Variants in TMEM132D observed in about 807,000 individuals in gnomAD.
The protein encoded by TMEM132D is mature OL transmembrane protein.
In TMEM132D, 21 loss-of-function variants were observed where a neutral mutation model predicts 62.3. The ratio of observed to expected loss-of-function variants is 0.34; its 90% CI spans 0.24 to 0.49. The LOEUF (loss-of-function observed/expected upper bound fraction) is 0.49, where lower values mean the gene tolerates loss of function less well. Among genes scored for constraint, TMEM132D ranks in the 20% least tolerant of loss-of-function variants. TMEM132D has a pLI of 0.99. For missense variants in TMEM132D, 1,346 were observed against 1,402.8 expected, an observed-to-expected ratio of 0.96 and a Z score of 0.65; for synonymous variants, 621 against 575.6, an observed-to-expected ratio of 1.08 and a Z score of -1.13.
chr12:129,855,044 A>AT (rs1186326756), intron 1 of TMEM132D: 2 of 152,816 alleles, frequency 1.3e-5, no homozygotes, highest in African/African-American at 4.8e-5. Flanking sequence ...GGAGAGCCCT[A>AT]TGCAAGACAA....
At chr12:129,777,964 C>T (rs923663912) in intron 1 of TMEM132D, among the ~76,000 whole-genome samples, 1 of 151,354 alleles carries the variant, frequency 6.6e-6, no homozygotes, top group East Asian at 2.0e-4. Context: ...CACATCTCTA[C>T]AAAAAATAAA....
intron 1 of TMEM132D, among the ~76,000 whole-genome samples, chr12:129,787,393 C>T (rs966242159): frequency 1.3e-5 from 2 of 152,156 alleles, no homozygotes; most frequent in African/African-American, 4.8e-5. Context: ...GCTCAGCAGA[C>T]AAGCTTTGTG....
At chr12:129,871,923 C>T (rs1361927498) in intron 1 of TMEM132D, among the ~76,000 whole-genome samples, 1 of 152,186 alleles carries the variant, frequency 6.6e-6, no homozygotes, top group Non-Finnish European at 1.5e-5. Context: ...GCCAGGCCTA[C>T]AGGAACGGAA....
intron 5 of TMEM132D, among the ~76,000 whole-genome samples, chr12:129,127,745 G>T (rs1459549259): frequency 6.6e-6 from 1 of 151,998 alleles, no homozygotes; most frequent in Non-Finnish European, 1.5e-5. Context: ...GTTTCCAAAT[G>T]TGAGATGCCT....
intron 2 of TMEM132D, among the ~76,000 whole-genome samples, chr12:129,610,272 T>C (rs1006145910): frequency 8.2e-6 from 1 of 121,632 alleles, no homozygotes; most frequent in African/African-American, 2.9e-5. Context: ...AGCAAGGCTC[T>C]GTCTCAAAAA....
chr12:129,718,514 C>T lies in TMEM132D; in HGVS notation c.80-17816G>A, dbSNP rs117270047. ...TTATTCTTTCTGATGTAGCTTCACA[C>T]GTTTATATTTTGGTCTTTTTGGAAA... is the stretch of plus-strand genomic sequence containing the variant. On this transcript the variant is annotated intron_variant, in intron 1 of 8. Transcript: ENST00000422113. Among the ~76,000 whole-genome samples the T allele has an allele frequency of 4.6e-5, 7 of 152,274 alleles. No homozygotes were observed. In the East Asian group the frequency reaches 1.4e-3, roughly 29 times the overall value.
chr12:129,780,578 C>T (rs1422951217), intron 1 of TMEM132D, among the ~76,000 whole-genome samples: 2 of 152,068 alleles, frequency 1.3e-5, no homozygotes, highest in Non-Finnish European at 2.9e-5. Context: ...GGCTGCTTCC[C>T]CAAACTTTGC....
chr12:129,707,537 T>C (rs1266448152), intron 1 of TMEM132D, among the ~76,000 whole-genome samples: 1 of 152,190 alleles, frequency 6.6e-6, no homozygotes, highest in Non-Finnish European at 1.5e-5. Context: ...GAATATCTTA[T>C]TTTTGTCTGC....
chr12:129,626,222 A>G (rs1879209478), intron 2 of TMEM132D, among the ~76,000 whole-genome samples: 1 of 152,216 alleles, frequency 6.6e-6, no homozygotes, highest in Non-Finnish European at 1.5e-5. Flanking sequence ...GGAGGAAGAT[A>G]AGGAATGCAC....
At chr12:129,307,848 A>C (rs904666099) in intron 4 of TMEM132D, among the ~76,000 whole-genome samples, 1 of 152,166 alleles carries the variant, frequency 6.6e-6, no homozygotes, top group African/African-American at 2.4e-5. Flanking sequence ...CTCTGCTCAC[A>C]AATGATTTTT....
intron 1 of TMEM132D, among the ~76,000 whole-genome samples, chr12:129,769,072 C>A (rs1870645467): frequency 6.6e-6 from 1 of 152,150 alleles, no homozygotes. Context: ...TGCTTACAGA[C>A]TCACAGTTTG....
chr12:129,747,311 T>A (rs904671340), intron 1 of TMEM132D, among the ~76,000 whole-genome samples: 2 of 142,064 alleles, frequency 1.4e-5, no homozygotes, highest in Non-Finnish European at 3.1e-5. Context: ...TTCTTTGATG[T>A]CCACATAGCT....
intron 2 of TMEM132D, among the ~76,000 whole-genome samples, chr12:129,647,466 C>A (rs1307111125): frequency 1.3e-5 from 2 of 152,122 alleles, no homozygotes; most frequent in African/African-American, 2.4e-5. Flanking sequence ...GGGTGTGTGT[C>A]TAGCAGAACT....
At chr12:129,597,135 A>T (rs189624244) in intron 2 of TMEM132D, among the ~76,000 whole-genome samples, 2 of 152,284 alleles carry the variant, frequency 1.3e-5, no homozygotes, top group Non-Finnish European at 2.9e-5. Context: ...GAACATGTTC[A>T]GTACAGACTT....
intron 3 of TMEM132D, among the ~76,000 whole-genome samples, chr12:129,470,171 G>A (rs913978896): frequency 2.6e-5 from 4 of 152,192 alleles, no homozygotes; most frequent in Non-Finnish European, 5.9e-5. Context: ...AATTTGTGGT[G>A]TGGACTATAA....
At position 129,073,908 on chromosome 12, in the gene TMEM132D, G is replaced by T; in HGVS notation, c.3267C>A (p.His1089Gln). 2 of 1,566,682 alleles carry T rather than the reference G, an allele frequency of 1.3e-6. No homozygotes were observed. The highest frequency in any genetic ancestry group is 1.7e-6 in the Non-Finnish European group (2 of 1,158,116). ...TTTCATGTAACCTCTCCATGTAGTT[G>T]TGCAGCTCTTTGCAGTCCCCAGGGT... is the stretch of plus-strand genomic sequence containing the variant. ...DLDPGDCKEL[H>Q]NYMERLHENV Residue 1089 changes from histidine (H) to glutamine (Q), a missense_variant, in exon 9 of 9, where the codon CAC becomes CAA. His to Gln is a conservative substitution (Grantham distance 24). Transcript: ENST00000422113.
At chr12:129,242,093 T>A (rs1879953689) in intron 4 of TMEM132D, among the ~76,000 whole-genome samples, 1 of 152,238 alleles carries the variant, frequency 6.6e-6, no homozygotes, top group African/African-American at 2.4e-5. Flanking sequence ...GGATCTCCAC[T>A]GAGACACTAG....
chr12:129,875,772 G>A lies in TMEM132D; in HGVS notation c.79+27489C>T, dbSNP rs76650538. 3.8e-3 allele frequency among the ~76,000 whole-genome samples: 575 copies of A among 152,264 alleles called. 3 individuals carry two copies. The highest frequency in any genetic ancestry group is 0.013 in the African/African-American group (544 of 41,560). On this transcript the variant is annotated intron_variant, in intron 1 of 8. Coordinates refer to ENST00000422113, the MANE Select transcript of TMEM132D (RefSeq NM_133448.3). Reference sequence around the variant, plus strand: ...AGCCCAGCCAGGGCTTCCGATTTTCGAGAGACAGCAGAAATCCAAATTTAT... The same window carrying A: ...AGCCCAGCCAGGGCTTCCGATTTTCAAGAGACAGCAGAAATCCAAATTTAT...
chr12:129,285,345 C>T (rs1022292944), intron 4 of TMEM132D, among the ~76,000 whole-genome samples: 1 of 126,332 alleles, frequency 7.9e-6, no homozygotes, highest in Non-Finnish European at 1.7e-5. Context: ...ATAGTGAAAC[C>T]CTGTCTCCAC....
Sources: allele counts gnomAD v4.1 joint callset (sites outside exome capture counted in the v4.1 genomes callset), GRCh38; gene constraint gnomAD v4.1.1; transcripts MANE v1.5; gene names NCBI Gene and HGNC (gene_info 2026-07-23, HGNC 2026-07-21).